The following RNF216 variants were observed in gnomAD, a reference collection of about 807,000 sequenced individuals.
The protein encoded by RNF216 is ring finger protein 216.
Under a neutral mutation model 110.8 loss-of-function variants are expected in RNF216, and 72 were observed. The observed-to-expected ratio is 0.65, with a 90% CI of 0.54 to 0.79. The LOEUF (loss-of-function observed/expected upper bound fraction) is 0.79. RNF216 is among the 30% of genes least tolerant of loss of function. The pLI, the probability that RNF216 is intolerant of heterozygous loss-of-function variation, is 0.00. For missense variants in RNF216, 1,342 were observed against 1,141.2 expected, an observed-to-expected ratio of 1.18 and a Z score of -2.54; for synonymous variants, 495 against 407.5, an observed-to-expected ratio of 1.21 and a Z score of -2.59.
intron 1 of RNF216, among the ~76,000 whole-genome samples, chr7:5,769,460 T>C (rs912030395): frequency 8.7e-5 from 13 of 148,862 alleles, no homozygotes; most frequent in South Asian, 2.3e-4. Flanking sequence ...TGGTGGCTCA[T>C]GCCTGTAATC....
rs1305415826 is a variant in RNF216, at chr7:5,680,804, C to T, written c.2062-28294G>A. Among the ~76,000 whole-genome samples the T allele has an allele frequency of 6.6e-6, 1 of 152,164 alleles. No individual in the cohort carries two copies. Among genetic ancestry groups the T allele is most frequent in the Non-Finnish European group, 1.5e-5 (1 of 68,046 alleles). On this transcript the variant is annotated intron_variant, in intron 13 of 16. Coordinates refer to ENST00000389902, the MANE Select transcript of RNF216 (RefSeq NM_207111.4). This position sits in a 1 kb window ranked among gnomAD's most constrained non-coding sequence, Gnocchi z 4.3. The stretch of plus-strand genomic sequence containing the variant: ...CCCCTGTATCCCTGAAGGACACAGC[C>T]ACCCACTGGCTGCTCATGCAACAAA...
chr7:5,657,742 G>A (rs549553974), intron 13 of RNF216, among the ~76,000 whole-genome samples: 9 of 152,128 alleles, frequency 5.9e-5, no homozygotes, highest in East Asian at 1.9e-4. Context: ...CCACCCATAC[G>A]CCCAAATGAC....
At chr7:5,637,847 C>T (rs545609906) in intron 15 of RNF216, among the ~76,000 whole-genome samples, 40 of 152,316 alleles carry the variant, frequency 2.6e-4, no homozygotes, top group African/African-American at 8.9e-4. Context: ...GGCCAAATTA[C>T]GCATTTCTTT....
intron 13 of RNF216, among the ~76,000 whole-genome samples, chr7:5,689,814 G>A (rs1791215384): frequency 6.6e-6 from 1 of 151,924 alleles, no homozygotes; most frequent in South Asian, 2.1e-4. Flanking sequence ...AAATTAGCTG[G>A]GTGTTATTCC....
Position 5,739,298 on chromosome 7 carries a change from T to A in RNF216, c.1099A>T (p.Lys367Ter). Residue 367 changes from lysine (K) to a stop codon, truncating the protein, a stop_gained, in exon 5 of 17, where the codon AAG becomes TAG. Transcript: ENST00000389902. LOFTEE classifies it high-confidence loss of function. ...TACACATTCAGATCATAATAATTCT[T>A]AAAATGAATTATTTCCTCAATAAAC... ...NGFIEEIIHF[K>*]NYYDLNVLCN... 1 of 1,596,382 alleles carries A rather than the reference T, an allele frequency of 6.3e-7. No individual in the cohort carries two copies. The highest frequency in any genetic ancestry group is 8.5e-7 in the Non-Finnish European group (1 of 1,174,966).
intron 13 of RNF216, among the ~76,000 whole-genome samples, chr7:5,685,382 C>T (rs1790912275): frequency 6.6e-6 from 1 of 152,170 alleles, no homozygotes; most frequent in Admixed American, 6.5e-5. Context: ...GTGTTCTCTC[C>T]TCCTCCCCAC....
chr7:5,750,393 A>G (rs1218771593), intron 3 of RNF216, among the ~76,000 whole-genome samples: 1 of 152,238 alleles, frequency 6.6e-6, no homozygotes, highest in African/African-American at 2.4e-5. Context: ...ATGTGCTTTC[A>G]AATATGTGGT....
At chr7:5,756,248 CT>C (rs1243928775) in intron 2 of RNF216, among the ~76,000 whole-genome samples, 1 of 152,150 alleles carries the variant, frequency 6.6e-6, no homozygotes, top group Non-Finnish European at 1.5e-5. Context: ...TTCCTGAGGC[CT>C]TCCCAGCAAT....
intron 14 of RNF216, among the ~76,000 whole-genome samples, chr7:5,650,377 A>C (rs1788316197): frequency 2.0e-5 from 3 of 152,206 alleles, no homozygotes. Context: ...AACCGATAGG[A>C]CAATCAGAAT....
rs377674225 is a variant in RNF216, at chr7:5,711,819, G to A, written c.2003C>T (p.Pro668Leu). The change falls in exon 13 of 17, where the codon CCG becomes CTG. Residue 668 changes from proline to leucine, a missense_variant. Pro to Leu is a moderately conservative substitution (Grantham distance 98, BLOSUM62 -3). Transcript: ENST00000389902. Reference protein sequence around the residue: ...ELVRCPSCSFPALLDSDVKRF... With the variant: ...ELVRCPSCSFLALLDSDVKRF... ...CTTCACATCACTGTCCAACAGAGCCGGAAAGCTACAGGACGGGCACCTAGA... is the reference window on the plus strand; with the variant it reads ...CTTCACATCACTGTCCAACAGAGCCAGAAAGCTACAGGACGGGCACCTAGA... 8.1e-6 allele frequency: 13 copies of A among 1,613,794 alleles called. No individual in the cohort carries two copies. The highest frequency in any genetic ancestry group is 2.2e-5 in the East Asian group (1 of 44,892).
chr7:5,686,111 T>A (rs1322890488), intron 13 of RNF216, among the ~76,000 whole-genome samples: 1 of 150,644 alleles, frequency 6.6e-6, no homozygotes, highest in Non-Finnish European at 1.5e-5. Flanking sequence ...TAATCCCAGC[T>A]ATTCGGGAGG....
At position 5,725,371 on chromosome 7, in the gene RNF216, CTCT is replaced by C. The variant is rs1275563847; in HGVS notation, c.1454_1456del (p.Lys485del). 1.2e-6 allele frequency: 2 copies of C among 1,613,808 alleles called. No homozygotes were observed. The highest frequency in any genetic ancestry group is 4.5e-5 in the East Asian group (2 of 44,878). On this transcript the variant is annotated inframe_deletion, in exon 8 of 17. Coordinates refer to ENST00000389902, the MANE Select transcript of RNF216 (RefSeq NM_207111.4). ...GTAAGAATACTGGTTCATTTGTTTTCTCTTCTTCCTTTTTCCACTGGTTTCTGG... is the reference window on the plus strand; with the variant it reads ...GTAAGAATACTGGTTCATTTGTTTTCTCTTCCTTTTTCCACTGGTTTCTGG...
Position 5,730,833 on chromosome 7 carries a change from A to G in RNF216, c.1122-16T>C, listed in dbSNP as rs770532747. 3.2e-6 allele frequency: 5 copies of G among 1,573,622 alleles called. No homozygotes were observed. In the East Asian group the frequency reaches 1.1e-4, roughly 36 times the overall value. Reference sequence around the variant, plus strand: ...ATTACAAAGTCTGCAGAAACAAATGATGTTACTTTCATACTGCTTCCAAAT... The same window carrying G: ...ATTACAAAGTCTGCAGAAACAAATGGTGTTACTTTCATACTGCTTCCAAAT... On this transcript the variant is annotated splice_polypyrimidine_tract_variant and intron_variant, in intron 5 of 16. Coordinates refer to ENST00000389902, the MANE Select transcript of RNF216 (RefSeq NM_207111.4).
At chr7:5,661,513 G>T (rs1370781167) in intron 13 of RNF216, among the ~76,000 whole-genome samples, 1 of 152,154 alleles carries the variant, frequency 6.6e-6, no homozygotes, top group Non-Finnish European at 1.5e-5. Context: ...TTTTAAAAAA[G>T]TAAATACGGC....
At chr7:5,730,128 A>G (rs886925255) in intron 6 of RNF216, among the ~76,000 whole-genome samples, 4 of 152,240 alleles carry the variant, frequency 2.6e-5, no homozygotes, top group African/African-American at 7.2e-5. Flanking sequence ...ACATCAAAAG[A>G]AAAAAGATAT....
chr7:5,729,775 C>T (rs1359854687), intron 6 of RNF216, among the ~76,000 whole-genome samples, 179 bp from the exon 7 acceptor site: 2 of 152,198 alleles, frequency 1.3e-5, no homozygotes, highest in Admixed American at 1.3e-4. Context: ...TTAAACAAAC[C>T]TGTCTGGAGC....
At chr7:5,744,430 T>A (rs999477913) in intron 3 of RNF216, among the ~76,000 whole-genome samples, 1 of 152,018 alleles carries the variant, frequency 6.6e-6, no homozygotes, top group African/African-American at 2.4e-5. Context: ...AGAAGCTGTT[T>A]CTTTGGTAGA....
chr7:5,653,600 C>CAA (rs34530431), intron 13 of RNF216, among the ~76,000 whole-genome samples: 3,562 of 50,156 alleles, frequency 0.071, 428 homozygotes, highest in East Asian at 0.28. Context: ...GACTCTGTCT[C>CAA]AAAAAAAAAA....
At position 5,672,012 on chromosome 7, in the gene RNF216, G is replaced by C. The variant is rs150985450; in HGVS notation, c.2062-19502C>G. ...ACAGCATATATAAGCCCCTAGTCTG[G>C]TATTTTGCTAAGGCAGCCGAGCTGA... On this transcript the variant is annotated intron_variant, in intron 13 of 16. Coordinates refer to ENST00000389902, the MANE Select transcript of RNF216 (RefSeq NM_207111.4). Among the ~76,000 whole-genome samples, 7 of 152,288 alleles carry C rather than the reference G, an allele frequency of 4.6e-5. No individual in the cohort carries two copies. The East Asian group carries it at 1.3e-3, about 29-fold the overall frequency.
Sources: gnomAD v4.1 joint callset for allele counts (sites outside exome capture counted in the v4.1 genomes callset) on GRCh38, gnomAD v4.1.1 for gene constraint, Gnocchi (gnomAD v3.1) non-coding constraint, MANE v1.5 for transcripts, NCBI Gene and HGNC (gene_info 2026-07-23, HGNC 2026-07-21) for gene names.